The following SETBP1 variants were observed in gnomAD, a reference collection of about 807,000 sequenced individuals.
SETBP1 encodes the protein SET binding protein 1, also known as SET-binding protein.
SETBP1 carries 9 observed loss-of-function variants against 101.0 expected under a neutral mutation model. The ratio of observed to expected loss-of-function variants is 0.09; its 90% CI spans 0.05 to 0.16. The LOEUF (loss-of-function observed/expected upper bound fraction) is 0.16, where lower values mean the gene tolerates loss of function less well. SETBP1 is among the 10% of genes least tolerant of loss of function. The pLI is 1.00. For missense variants in SETBP1, 1,858 were observed against 2,033.8 expected (o/e 0.91, Z 1.66); for synonymous variants, 818 against 788.5 (o/e 1.04, Z -0.63).
Position 44,746,312 on chromosome 18 carries a change from G to C in SETBP1, c.486+44480G>C, listed in dbSNP as rs367959906. Among the ~76,000 whole-genome samples, 58 of 152,316 alleles carry C rather than the reference G, an allele frequency of 3.8e-4. 1 individual carries two copies. The highest frequency in any genetic ancestry group is 1.3e-3 in the African/African-American group (56 of 41,574). Reference sequence around the variant, plus strand: ...TTTCTGTAAAATAGGATACATGATAGTACAATAGTCATAGCGTTGCTAGCT... The same window carrying C: ...TTTCTGTAAAATAGGATACATGATACTACAATAGTCATAGCGTTGCTAGCT... On this transcript the variant is annotated intron_variant, in intron 2 of 5. Coordinates refer to ENST00000649279, the MANE Select transcript of SETBP1 (RefSeq NM_015559.3).
At chr18:44,726,523 G>A (rs1226891897) in intron 2 of SETBP1, among the ~76,000 whole-genome samples, 1 of 152,140 alleles carries the variant, frequency 6.6e-6, no homozygotes, top group African/African-American at 2.4e-5. Context: ...GACATCTAGA[G>A]AGTATATAAA....
chr18:45,035,342 C>T lies in SETBP1; in HGVS notation c.4001-3143C>T, dbSNP rs189904278. Among the ~76,000 whole-genome samples the T allele has an allele frequency of 2.2e-3, 334 of 152,214 alleles. 3 individuals carry two copies. Among genetic ancestry groups the T allele is most frequent in the African/African-American group, 7.6e-3 (314 of 41,532 alleles). On this transcript the variant is annotated intron_variant, in intron 4 of 5. Transcript: ENST00000649279. ...ATTGGGTGGTAACTAGAAAGCCGTA[C>T]TATAATCTAGAAAATTCTAAAGGAT...
At chr18:44,699,917 C>T (rs564191086) in intron 1 of SETBP1, among the ~76,000 whole-genome samples, 73 of 152,234 alleles carry the variant, frequency 4.8e-4, no homozygotes, top group Middle Eastern at 3.4e-3. Context: ...TTGCAGGCAT[C>T]GTTGGGCATT....
intron 3 of SETBP1, among the ~76,000 whole-genome samples, chr18:44,908,146 C>T (rs1001383828): frequency 9.2e-5 from 14 of 151,924 alleles, no homozygotes; most frequent in East Asian, 1.9e-4. Context: ...CTGCAACCTC[C>T]GCCTCCCGGG....
chr18:44,854,881 C>T (rs2072941035), intron 2 of SETBP1, among the ~76,000 whole-genome samples: 1 of 152,218 alleles, frequency 6.6e-6, no homozygotes, highest in African/African-American at 2.4e-5. Context: ...CCTCACTCTG[C>T]TGTCACCTCC....
At chr18:44,916,287 A>T (rs2070425546) in intron 3 of SETBP1, among the ~76,000 whole-genome samples, 1 of 151,980 alleles carries the variant, frequency 6.6e-6, no homozygotes, top group Non-Finnish European at 1.5e-5. Flanking sequence ...TATTGATGCT[A>T]CTCTTAGTCC....
intron 2 of SETBP1, among the ~76,000 whole-genome samples, chr18:44,716,967 G>T (rs930611134): frequency 1.3e-5 from 2 of 152,190 alleles, no homozygotes; most frequent in Non-Finnish European, 2.9e-5. Context: ...CTACTTAGAG[G>T]AGCTGAGAAC....
chr18:45,038,696 A>G (rs763575200), intron 5 of SETBP1, 41 bp downstream of exon 5: 3 of 1,607,036 alleles, frequency 1.9e-6, no homozygotes, highest in African/African-American at 1.3e-5. Context: ...CCCAAGCAAG[A>G]TGAATGTGGA....
chr18:45,023,120 C>T (rs1294171459), intron 4 of SETBP1, among the ~76,000 whole-genome samples: 1 of 152,192 alleles, frequency 6.6e-6, no homozygotes, highest in African/African-American at 2.4e-5. Context: ...AATTATCATA[C>T]TGGTTGCCTT....
At chr18:44,949,224 T>C (rs1385856146) in intron 3 of SETBP1, among the ~76,000 whole-genome samples, 1 of 152,208 alleles carries the variant, frequency 6.6e-6, no homozygotes, top group Non-Finnish European at 1.5e-5. Context: ...CTTTTTCCCA[T>C]GCAGGCTTCA....
chr18:45,040,662 G>A (rs1254409731), intron 5 of SETBP1, among the ~76,000 whole-genome samples: 1 of 152,146 alleles, frequency 6.6e-6, no homozygotes. Context: ...GGGATCACAT[G>A]CTTATATGGG....
At position 45,015,517 on chromosome 18, in the gene SETBP1, C is replaced by T. The variant is rs184248088; in HGVS notation, c.4001-22968C>T. ...ACAACAGACATGCACCTGCCTTTCT[C>T]GGGTGACCCTCAGCATGCCTCCAAA... On this transcript the variant is annotated intron_variant, in intron 4 of 5. Coordinates refer to ENST00000649279, the MANE Select transcript of SETBP1 (RefSeq NM_015559.3). Among the ~76,000 whole-genome samples the T allele has an allele frequency of 1.5e-3, 227 of 152,344 alleles. 1 individual carries two copies. Among genetic ancestry groups the T allele is most frequent in the African/African-American group, 5.3e-3 (220 of 41,590 alleles).
chr18:44,765,182 T>G (rs2070739346), intron 2 of SETBP1, among the ~76,000 whole-genome samples: 1 of 152,058 alleles, frequency 6.6e-6, no homozygotes, highest in Non-Finnish European at 1.5e-5. Context: ...CCTTGTGTGT[T>G]GAATGGGTGC....
At chr18:44,689,151 T>C (rs2068886731) in intron 1 of SETBP1, among the ~76,000 whole-genome samples, 1 of 152,224 alleles carries the variant, frequency 6.6e-6, no homozygotes, top group Non-Finnish European at 1.5e-5. Context: ...TGATGGAAGA[T>C]GTAGAACAAA....
At chr18:44,794,828 A>G (rs1254206382) in intron 2 of SETBP1, among the ~76,000 whole-genome samples, 3 of 152,158 alleles carry the variant, frequency 2.0e-5, no homozygotes, top group African/African-American at 7.2e-5. Context: ...AGGGATGACT[A>G]TTGGTGGCAA....
At chr18:44,997,431 A>T (rs748032642) in intron 4 of SETBP1, among the ~76,000 whole-genome samples, 8 of 152,174 alleles carry the variant, frequency 5.3e-5, no homozygotes, top group Non-Finnish European at 8.8e-5. Flanking sequence ...TGTTATGCTG[A>T]GTATTCCTGT....
rs2071401943 is a variant in SETBP1 at position 44,953,115 on chromosome 18, T to C, written c.3775T>C (p.Cys1259Arg). 1 of 1,614,040 alleles carries C rather than the reference T, an allele frequency of 6.2e-7. No individual in the cohort carries two copies. The highest frequency in any genetic ancestry group is 1.7e-5 in the Admixed American group (1 of 60,004). Residue 1259 changes from cysteine (C) to arginine (R), a missense_variant, in exon 4 of 6, where the codon TGC (cysteine) becomes CGC (arginine). Around this residue, in one of 12 missense-constraint regions of SETBP1, gnomAD observed 417 missense variants for 389.1 expected, o/e 1.07. Coordinates refer to ENST00000649279, the MANE Select transcript of SETBP1 (RefSeq NM_015559.3). ...CTTGAGCAGTGAGCCTGTGGACTCA[T>C]GCACGAAAAGATACTCTGGCAGTGG... ...GDLSSEPVDS[C>R]TKRYSGSGGD...
At chr18:44,964,867 C>G (rs1394946572) in intron 4 of SETBP1, among the ~76,000 whole-genome samples, 1 of 152,166 alleles carries the variant, frequency 6.6e-6, no homozygotes, top group Non-Finnish European at 1.5e-5. Context: ...TCAGTTTTCT[C>G]TTAAGTGTTT....
intron 3 of SETBP1, among the ~76,000 whole-genome samples, chr18:44,914,840 C>A (rs1287335923): frequency 6.6e-6 from 1 of 152,076 alleles, no homozygotes; most frequent in African/African-American, 2.4e-5. Context: ...TTTCCTGGAG[C>A]TCTATCAACC....
Sources: gnomAD v4.1 joint callset for allele counts (sites outside exome capture counted in the v4.1 genomes callset) on GRCh38, gnomAD v4.1.1 for gene constraint, gnomAD v4.1.1 regional missense constraint, MANE v1.5 for transcripts, NCBI Gene and HGNC (gene_info 2026-07-23, HGNC 2026-07-21) for gene names.